Variants in GSE1 observed in about 807,000 individuals in gnomAD.
The protein encoded by GSE1 is genetic suppressor element 1.
A neutral mutation model predicts 112.6 loss-of-function variants in GSE1; 32 were observed. The observed-to-expected ratio is 0.28, with a 90% CI of 0.21 to 0.38. GSE1 has a LOEUF of 0.38. Ranked by LOEUF, GSE1 falls within the 10% of genes least tolerant of loss-of-function variation. The probability of loss-of-function intolerance (pLI) is 1.00; values close to 1 mark genes in which losing one functional copy is unlikely to be tolerated. For synonymous variants in GSE1, 1,115 were observed against 735.6 expected, an observed-to-expected ratio of 1.52 and a Z score of -8.35; for missense variants, 2,348 against 1,699.2, an observed-to-expected ratio of 1.38 and a Z score of -6.71.
chr16:85,666,525 G>GCT (rs2052876072), intron 13 of GSE1, 178 bp downstream of exon 13: 1 of 653,736 alleles, frequency 1.5e-6, no homozygotes. Flanking sequence ...TTATCTCCAA[G>GCT]CTCTAAAACC....
chr16:85,247,612 G>A (rs541942073), intron 1 of GSE1, among the ~76,000 whole-genome samples: 2 of 152,338 alleles, frequency 1.3e-5, no homozygotes, highest in South Asian at 4.1e-4. Flanking sequence ...CTCCCACCCT[G>A]GGTGCAAGGA....
At chr16:85,577,924 G>A (rs1023677905) in intron 1 of GSE1, among the ~76,000 whole-genome samples, 1 of 152,210 alleles carries the variant, frequency 6.6e-6, no homozygotes, top group Admixed American at 6.5e-5. Context: ...CCCGATGGCC[G>A]TGCCTTTGCA....
At chr16:85,180,059 G>A (rs2074550202) in intron 1 of GSE1, among the ~76,000 whole-genome samples, 1 of 152,272 alleles carries the variant, frequency 6.6e-6, no homozygotes, top group Non-Finnish European at 1.5e-5. Flanking sequence ...GTTGGGGTCT[G>A]GCCTGGCTCT....
chr16:85,600,973 C>G (rs1324285637), intron 1 of GSE1, among the ~76,000 whole-genome samples: 14 of 151,426 alleles, frequency 9.2e-5, no homozygotes, highest in Admixed American at 9.2e-4. Context: ...AGCAACCCCT[C>G]GGTGGGAGGA....
intron 2 of GSE1, among the ~76,000 whole-genome samples, chr16:85,484,680 A>C (rs1422501280): frequency 1.3e-5 from 2 of 152,212 alleles, no homozygotes; most frequent in Admixed American, 1.3e-4. Context: ...AGGCGCAGAG[A>C]AGCTCAGTAA....
chr16:85,398,298 CA>C (rs2048013900), intron 2 of GSE1, among the ~76,000 whole-genome samples: 1 of 152,146 alleles, frequency 6.6e-6, no homozygotes, highest in African/African-American at 2.4e-5. Context: ...TTTGCAGTGG[CA>C]AAACCTGGGA....
At chr16:85,182,683 C>G (rs1043607500) in intron 1 of GSE1, among the ~76,000 whole-genome samples, 2 of 152,160 alleles carry the variant, frequency 1.3e-5, no homozygotes, top group Non-Finnish European at 1.5e-5. Flanking sequence ...CCAGGCCTGT[C>G]TTTAGGGTTT....
chr16:85,523,263 CCT>C (rs2052251568), intron 2 of GSE1, among the ~76,000 whole-genome samples: 1 of 147,018 alleles, frequency 6.8e-6, no homozygotes, highest in African/African-American at 2.7e-5. Flanking sequence ...TTGTGTGTGC[CCT>C]GTGTGTGTGA....
intron 2 of GSE1, among the ~76,000 whole-genome samples, chr16:85,456,577 G>T: frequency 1.1e-5 from 1 of 88,350 alleles, no homozygotes; most frequent in Non-Finnish European, 2.4e-5. Flanking sequence ...TCATTTTCCT[G>T]CCGTGTGTGT....
intron 2 of GSE1, among the ~76,000 whole-genome samples, chr16:85,513,766 T>C (rs2051824622): frequency 6.6e-6 from 1 of 152,144 alleles, no homozygotes; most frequent in African/African-American, 2.4e-5. Context: ...GAGAAAGGGC[T>C]GCTCTTGGAG....
chr16:85,641,406 G>T (rs1339392991), intron 2 of GSE1, among the ~76,000 whole-genome samples: 2 of 151,836 alleles, frequency 1.3e-5, no homozygotes, highest in African/African-American at 4.9e-5. Flanking sequence ...GGGCATGGGA[G>T]CCCGCCACTG....
intron 1 of GSE1, among the ~76,000 whole-genome samples, chr16:85,274,424 G>A (rs1909154295): frequency 6.6e-6 from 1 of 152,138 alleles, no homozygotes; most frequent in Non-Finnish European, 1.5e-5. Flanking sequence ...AAATAAAAGA[G>A]GGAAAGAGTG....
chr16:85,454,968 TGGAGAGCC>T (rs2049786394), intron 2 of GSE1, among the ~76,000 whole-genome samples: 1 of 152,328 alleles, frequency 6.6e-6, no homozygotes, highest in East Asian at 1.9e-4. Flanking sequence ...CAGATCTTTC[TGGAGAGCC>T]GTAACTCAAC....
intron 2 of GSE1, among the ~76,000 whole-genome samples, chr16:85,420,978 C>T (rs2048829739): frequency 6.6e-6 from 1 of 152,246 alleles, no homozygotes; most frequent in African/African-American, 2.4e-5. Flanking sequence ...TGCGCCGCCA[C>T]CGCCTGTGCC....
At chr16:85,349,738 C>T (rs1174956700) in intron 1 of GSE1, among the ~76,000 whole-genome samples, 1 of 152,182 alleles carries the variant, frequency 6.6e-6, no homozygotes, top group African/African-American at 2.4e-5. Flanking sequence ...AGGATGCTGG[C>T]GTCTCTTCCC....
At chr16:85,470,789 C>G (rs941991553) in intron 2 of GSE1, among the ~76,000 whole-genome samples, 32 of 152,098 alleles carry the variant, frequency 2.1e-4, no homozygotes, top group African/African-American at 7.0e-4. Context: ...ACGCTGTGAC[C>G]CAGTCAGTGT....
Position 85,655,783 on chromosome 16 carries a change from C to A in GSE1, c.855C>A (p.Thr285=). The change falls in exon 6 of 16, where the codon ACC becomes ACA. Residue 285 remains threonine, a synonymous_variant. Coordinates refer to ENST00000253458, the MANE Select transcript of GSE1 (RefSeq NM_014615.5). ...GGTCCCCGTTCTACCCCATCCCCACCCCCGGCTCCCTGCCCCCACTGCACC... is the reference window on the plus strand; with the variant it reads ...GGTCCCCGTTCTACCCCATCCCCACACCCGGCTCCCTGCCCCCACTGCACC... ...ALRSPFYPIP[T]PGSLPPLHPS... is the part of the protein sequence containing the mutation. 6.2e-7 allele frequency: 1 copy of A among 1,609,870 alleles called. No individual in the cohort carries two copies. Among genetic ancestry groups the A allele is most frequent in the Non-Finnish European group, 8.5e-7 (1 of 1,177,762 alleles).
chr16:85,587,891 T>C (rs1330536592), intron 1 of GSE1, among the ~76,000 whole-genome samples: 1 of 152,164 alleles, frequency 6.6e-6, no homozygotes, highest in Non-Finnish European at 1.5e-5. Context: ...GTTAAGGTTT[T>C]GCAGGACAGG....
At chr16:85,305,504 G>A (rs892956486) in intron 1 of GSE1, among the ~76,000 whole-genome samples, 3 of 151,602 alleles carry the variant, frequency 2.0e-5, no homozygotes, top group Non-Finnish European at 1.5e-5. Flanking sequence ...TTTTTGAGAC[G>A]GAGTCTTGCT....
Sources: gnomAD v4.1 joint callset for allele counts (sites outside exome capture counted in the v4.1 genomes callset) on GRCh38, gnomAD v4.1.1 for gene constraint, MANE v1.5 for transcripts, NCBI Gene and HGNC (gene_info 2026-07-23, HGNC 2026-07-21) for gene names.